The following RAD54L2 variants were observed in gnomAD, a reference collection of about 807,000 sequenced individuals.
RAD54L2 encodes the protein RAD54 like 2.
RAD54L2 carries 27 observed loss-of-function variants against 138.4 expected under a neutral mutation model. The observed-to-expected ratio is 0.20, with a 90% CI of 0.14 to 0.27. RAD54L2 has a LOEUF of 0.27. RAD54L2 is among the 10% of genes least tolerant of loss of function. RAD54L2 has a pLI of 1.00. For missense variants in RAD54L2, 1,396 were observed against 1,890.2 expected (o/e 0.74, Z 4.85); for synonymous variants, 644 against 723.2 (o/e 0.89, Z 1.76).
chr3:51,627,688 A>G lies in RAD54L2; in HGVS notation c.275A>G (p.Asn92Ser). 1 of 1,613,410 alleles carries G rather than the reference A, an allele frequency of 6.2e-7. No individual in the cohort carries two copies. Among genetic ancestry groups the G allele is most frequent in the Non-Finnish European group, 8.5e-7 (1 of 1,179,674 alleles). ...SEQLRRHQGK[N>S]LASEDPKKKR... ...CAGCTTAGGCGCCACCAAGGCAAGA[A>G]CCTAGCCTCCGAGGACCCCAAAAAG... is the stretch of plus-strand genomic sequence containing the variant. Residue 92 changes from asparagine to serine, a missense_variant, in exon 4 of 23, where the codon AAC becomes AGC. This residue lies in a region of RAD54L2 where 256 missense variants were observed against 344.6 expected (regional missense o/e 0.74). Transcript: ENST00000684192.
intron 2 of RAD54L2, among the ~76,000 whole-genome samples, chr3:51,580,346 C>A (rs560539323): frequency 6.6e-6 from 1 of 152,296 alleles, no homozygotes; most frequent in East Asian, 1.9e-4. Flanking sequence ...TGTGCCCTAT[C>A]CTGGAGTGTC....
intron 10 of RAD54L2, among the ~76,000 whole-genome samples, chr3:51,636,212 T>G (rs1700980973): frequency 6.6e-6 from 1 of 152,244 alleles, no homozygotes; most frequent in South Asian, 2.1e-4. Context: ...TCCCAGTTGT[T>G]TTTAGTGAAA....
intron 19 of RAD54L2, among the ~76,000 whole-genome samples, chr3:51,651,314 A>C (rs1236645926): frequency 6.6e-6 from 1 of 152,318 alleles, no homozygotes; most frequent in Non-Finnish European, 1.5e-5. Flanking sequence ...AACCAAAAAA[A>C]GTCCAGGACC....
intron 1 of RAD54L2, among the ~76,000 whole-genome samples, chr3:51,540,718 T>C (rs1316736613): frequency 6.6e-6 from 1 of 152,240 alleles, no homozygotes; most frequent in African/African-American, 2.4e-5. Flanking sequence ...ACATTATCTT[T>C]TTCCTTAAGC....
intron 3 of RAD54L2, among the ~76,000 whole-genome samples, chr3:51,624,661 A>G (rs1413727235): frequency 6.6e-6 from 1 of 152,206 alleles, no homozygotes; most frequent in East Asian, 1.9e-4. Context: ...GAACAGAAAG[A>G]TATAATAACG....
At chr3:51,576,826 G>A (rs1699491299) in intron 2 of RAD54L2, among the ~76,000 whole-genome samples, 1 of 151,670 alleles carries the variant, frequency 6.6e-6, no homozygotes, top group Admixed American at 6.6e-5. Flanking sequence ...TTTTTTTGAA[G>A]GGTTTTTTGT....
At chr3:51,541,689 T>G (rs1698555761) in intron 2 of RAD54L2, 39 bp downstream of exon 2, 1 of 152,234 alleles carries the variant, frequency 6.6e-6, no homozygotes, top group Non-Finnish European at 1.5e-5. Context: ...TGCTTCTTAA[T>G]TTTTACTGCA....
chr3:51,556,459 G>A (rs1189344552), intron 2 of RAD54L2, among the ~76,000 whole-genome samples: 1 of 152,046 alleles, frequency 6.6e-6, no homozygotes, highest in Non-Finnish European at 1.5e-5. Flanking sequence ...TGTTGCCCAG[G>A]CTGGTCTCAA....
intron 3 of RAD54L2, among the ~76,000 whole-genome samples, chr3:51,626,101 A>G (rs1029024550): frequency 6.6e-6 from 1 of 152,076 alleles, no homozygotes; most frequent in Non-Finnish European, 1.5e-5. Context: ...AAAAAAAAAC[A>G]ACCAAAAAAA....
At position 51,633,750 on chromosome 3, in the gene RAD54L2, C is replaced by T. The variant is rs1315161513; in HGVS notation, c.999C>T (p.Ala333=). The change falls in exon 8 of 23, where the codon GCC becomes GCT. Residue 333 remains alanine (A), a synonymous_variant. Coordinates refer to ENST00000684192, the MANE Select transcript of RAD54L2 (RefSeq NM_015106.4). ...ACACGCCAGCCAAAACAGTCCTTGC[C>T]ATTGTGCCGGTAAGAGTTTTTGGGA... is the stretch of plus-strand genomic sequence containing the variant. ...FRHTPAKTVL[A]IVPVNTLQNW... is the part of the protein sequence containing the mutation. 1.9e-6 allele frequency: 3 copies of T among 1,613,732 alleles called. No homozygotes were observed. Among genetic ancestry groups the T allele is most frequent in the East Asian group, 4.5e-5 (2 of 44,900 alleles).
chr3:51,627,746 A>G lies in RAD54L2; in HGVS notation c.333A>G (p.Arg111=). 6.2e-7 allele frequency: 1 copy of G among 1,613,994 alleles called. No individual in the cohort carries two copies. Residue 111 remains arginine, a synonymous_variant, in exon 4 of 23, where the codon AGA becomes AGG. Coordinates refer to ENST00000684192, the MANE Select transcript of RAD54L2 (RefSeq NM_015106.4). ...KRAQKPSHMR[R]NIRKLLREDQ... ...CTCAGAAGCCCTCCCACATGAGAAG[A>G]AACATACGGTGAGCTGTGCTCTGTG...
At chr3:51,566,079 C>T (rs938375552) in intron 2 of RAD54L2, among the ~76,000 whole-genome samples, 8 of 152,132 alleles carry the variant, frequency 5.3e-5, no homozygotes, top group East Asian at 3.9e-4. Flanking sequence ...ATGCCCGCCT[C>T]GGCCTCCCAA....
At chr3:51,651,955 A>C (rs561062236) in intron 19 of RAD54L2, among the ~76,000 whole-genome samples, 1 of 152,354 alleles carries the variant, frequency 6.6e-6, no homozygotes, top group African/African-American at 2.4e-5. Flanking sequence ...GGCCAGAGAA[A>C]GAAATAAAGG....
intron 2 of RAD54L2, among the ~76,000 whole-genome samples, chr3:51,562,181 A>G (rs6771081): frequency 0.88 from 133,966 of 151,732 alleles, 59,271 homozygotes; most frequent in East Asian, 0.94. Context: ...GACTACAGGT[A>G]TGAGCCACCA....
In RAD54L2 at chr3:51,663,594, CAAAAAAAAAAAAAA is replaced by C. The variant is rs34235841; in HGVS notation, c.*185_*198del. 1.6e-4 allele frequency: 9 copies of C among 54,840 alleles called. 1 individual carries two copies. Among genetic ancestry groups the C allele is most frequent in the South Asian group, 5.9e-4 (1 of 1,694 alleles). 3.4% of individuals were successfully genotyped at this position (54,840 alleles called of 1,614,324 possible). On this transcript the variant is annotated 3_prime_UTR_variant, in exon 23 of 23. Transcript: ENST00000684192. ...CTCTGTTGCTGTTTAACAAAAGAGG[CAAAAAAAAAAAAAA>C]AAAAAAAAAAGTCCAACACAGCAGC...
intron 2 of RAD54L2, among the ~76,000 whole-genome samples, chr3:51,562,093 T>C (rs1577389621): frequency 1.3e-5 from 2 of 151,892 alleles, no homozygotes; most frequent in South Asian, 4.2e-4. Context: ...TGGAGTGCAG[T>C]GGTGTGATAT....
Position 51,639,740 on chromosome 3 carries a change from G to A in RAD54L2, c.2112+70G>A. ...AGGGATGGTGCAAGCCCTGCCTGGG[G>A]AAGGGGTAGGGATGCATGGCTAGGG... On this transcript the variant is annotated intron_variant, in intron 13 of 22. Transcript: ENST00000684192. 4.4e-6 allele frequency: 7 copies of A among 1,582,098 alleles called. No homozygotes were observed. In the South Asian group the frequency reaches 5.8e-5, roughly 13 times the overall value.
chr3:51,662,170 T>C lies in RAD54L2; in HGVS notation c.3410-256T>C, dbSNP rs1420902254. ...GTTTCATATCCCTTATCTCGTAGGA[T>C]TCATTTTGGTATAGTTTTACAGTTT... On this transcript the variant is annotated intron_variant, in intron 22 of 22. Transcript: ENST00000684192. This position sits in a 1 kb window ranked among gnomAD's most constrained non-coding sequence, Gnocchi z 4.6. Among the ~76,000 whole-genome samples, 4 of 152,148 alleles carry C rather than the reference T, an allele frequency of 2.6e-5. No individual in the cohort carries two copies. The highest frequency in any genetic ancestry group is 2.6e-4 in the Admixed American group (4 of 15,266).
At chr3:51,657,522 C>A in intron 20 of RAD54L2, 58 bp from the exon 21 acceptor site, 1 of 1,191,856 alleles carries the variant, frequency 8.4e-7, no homozygotes, top group Non-Finnish European at 1.2e-6. Context: ...TTGCAATTTT[C>A]CCCCCTCCTT....
Sources: gnomAD v4.1 joint callset for allele counts (sites outside exome capture counted in the v4.1 genomes callset) on GRCh38, gnomAD v4.1.1 for gene constraint, gnomAD v4.1.1 regional missense constraint, Gnocchi (gnomAD v3.1) non-coding constraint, MANE v1.5 for transcripts, NCBI Gene and HGNC (gene_info 2026-07-23, HGNC 2026-07-21) for gene names.